The following ALK variants were observed in gnomAD, a reference collection of about 807,000 sequenced individuals.
ALK encodes the protein ALK receptor tyrosine kinase.
In ALK, 74 loss-of-function variants were observed where a neutral mutation model predicts 163.1. That is an observed-to-expected ratio of 0.45 (90% CI 0.38 to 0.55). The LOEUF is 0.55. Among genes scored for constraint, ALK ranks in the 20% least tolerant of loss-of-function variants. ALK has a pLI of 0.00. For synonymous variants in ALK, 960 were observed against 843.2 expected (o/e 1.14, Z -2.40); for missense variants, 2,063 against 2,105.3 (o/e 0.98, Z 0.39).
chr2:29,497,571 TG>T (rs1322192271), intron 4 of ALK, among the ~76,000 whole-genome samples: 1 of 152,226 alleles, frequency 6.6e-6, no homozygotes, highest in African/African-American at 2.4e-5. Flanking sequence ...ACCCATGCTC[TG>T]TTGCTGCTAA....
chr2:29,564,153 C>A (rs1349807661), intron 3 of ALK, among the ~76,000 whole-genome samples: 1 of 152,144 alleles, frequency 6.6e-6, no homozygotes, highest in Non-Finnish European at 1.5e-5. Flanking sequence ...TACTGGCTGT[C>A]GTGCGGTGAG....
chr2:29,655,022 T>C (rs1553342205), intron 3 of ALK, among the ~76,000 whole-genome samples: 1 of 152,012 alleles, frequency 6.6e-6, no homozygotes, highest in Non-Finnish European at 1.5e-5. Context: ...TGAAGACATC[T>C]TCAAAAGCTG....
chr2:29,581,696 C>T lies in ALK; in HGVS notation c.953-49580G>A, dbSNP rs761342834. On this transcript the variant is annotated intron_variant, in intron 3 of 28. Coordinates refer to ENST00000389048, the MANE Select transcript of ALK (RefSeq NM_004304.5). ...ACCCAGAGCTCCAGGAGATGGTGAC[C>T]ATCCTAGATGACCAGGGCAGTGAGG... Among the ~76,000 whole-genome samples, 73 of 152,168 alleles carry T rather than the reference C, an allele frequency of 4.8e-4. 2 individuals carry two copies. Among genetic ancestry groups the T allele is most frequent in the Non-Finnish European group, 7.4e-5 (5 of 68,020 alleles).
chr2:29,678,246 TAAC>T (rs1177721648), intron 3 of ALK, among the ~76,000 whole-genome samples: 1 of 151,960 alleles, frequency 6.6e-6, no homozygotes, highest in Non-Finnish European at 1.5e-5. Flanking sequence ...TCTTTTCAAA[TAAC>T]AAATTTTTGG....
intron 4 of ALK, among the ~76,000 whole-genome samples, chr2:29,515,618 T>G (rs1039002933): frequency 6.6e-6 from 1 of 152,120 alleles, no homozygotes; most frequent in Non-Finnish European, 1.5e-5. Context: ...GAAACACTTT[T>G]GTAGATGTCC....
chr2:29,291,710 A>G (rs963513295), intron 9 of ALK, among the ~76,000 whole-genome samples: 1 of 152,242 alleles, frequency 6.6e-6, no homozygotes, highest in African/African-American at 2.4e-5. Context: ...GATTCAATTA[A>G]CAGAAATGTG....
intron 11 of ALK, among the ~76,000 whole-genome samples, chr2:29,268,923 C>A (rs973669591): frequency 1.3e-5 from 2 of 152,144 alleles, no homozygotes; most frequent in African/African-American, 2.4e-5. Flanking sequence ...CCTCTCTAAG[C>A]CCTGGATACA....
At chr2:29,683,892 C>A (rs1240257636) in intron 3 of ALK, among the ~76,000 whole-genome samples, 1 of 152,136 alleles carries the variant, frequency 6.6e-6, no homozygotes, top group Non-Finnish European at 1.5e-5. Context: ...AGAATGGTCT[C>A]TTGTGCATTA....
rs188682402 is a variant in ALK at position 29,721,578 on chromosome 2, T to C, written c.668-3881A>G. Among the ~76,000 whole-genome samples, 19 of 152,300 alleles carry C rather than the reference T, an allele frequency of 1.2e-4. No homozygotes were observed. The South Asian group carries it at 2.7e-3, about 22-fold the overall frequency. Reference sequence around the variant, plus strand: ...TCAGTGAATGAATTTGTTTCTTAGCTTATTGAGAAAAGAGAAGTGATCTAC... The same window carrying C: ...TCAGTGAATGAATTTGTTTCTTAGCCTATTGAGAAAAGAGAAGTGATCTAC... On this transcript the variant is annotated intron_variant, in intron 1 of 28. Coordinates refer to ENST00000389048, the MANE Select transcript of ALK (RefSeq NM_004304.5).
In ALK at chr2:29,656,737, G is replaced by A. The variant is rs575379138; in HGVS notation, c.952+38113C>T. Among the ~76,000 whole-genome samples the A allele has an allele frequency of 5.0e-4, 76 of 152,216 alleles. No individual in the cohort carries two copies. In the South Asian group the frequency reaches 8.9e-3, roughly 18 times the overall value. ...CCAGGTAGTGCACTCTTTGTGGAGA[G>A]ACTCAGAATCCAATGAGCAAGGAGG... On this transcript the variant is annotated intron_variant, in intron 3 of 28. Coordinates refer to ENST00000389048, the MANE Select transcript of ALK (RefSeq NM_004304.5).
chr2:29,777,134 A>G (rs965476313), intron 1 of ALK, among the ~76,000 whole-genome samples: 2 of 152,242 alleles, frequency 1.3e-5, no homozygotes, highest in African/African-American at 4.8e-5. Flanking sequence ...GGAGGGCATC[A>G]GGGGCTCATA....
chr2:29,654,095 T>C (rs1346542224), intron 3 of ALK, among the ~76,000 whole-genome samples: 1 of 152,268 alleles, frequency 6.6e-6, no homozygotes, highest in Admixed American at 6.5e-5. Context: ...AATTGTGTGG[T>C]TAAAAAGTGA....
intron 19 of ALK, chr2:29,223,745 A>G (rs1663821803): frequency 1.7e-6 from 1 of 595,596 alleles, no homozygotes. Context: ...AATCAGATAT[A>G]TGGAAAATAA....
chr2:29,654,292 A>G (rs191411639), intron 3 of ALK, among the ~76,000 whole-genome samples: 1 of 152,270 alleles, frequency 6.6e-6, no homozygotes, highest in East Asian at 1.9e-4. Flanking sequence ...TCATAAGAGT[A>G]TATGATCTTC....
intron 12 of ALK, among the ~76,000 whole-genome samples, chr2:29,245,722 C>A (rs538598132): frequency 3.0e-5 from 4 of 134,018 alleles, no homozygotes; most frequent in Admixed American, 2.3e-4. Flanking sequence ...CAGCAGGGCT[C>A]CATGGCTCAG....
chr2:29,345,317 G>T (rs1011762359), intron 5 of ALK, among the ~76,000 whole-genome samples: 1 of 151,878 alleles, frequency 6.6e-6, no homozygotes, highest in Non-Finnish European at 1.5e-5. Flanking sequence ...GATCACCTGA[G>T]CCTGGGAGTT....
In ALK at chr2:29,784,713, A is replaced by AAACAACAAC. The variant is rs34379763; in HGVS notation, c.668-67025_668-67017dup. 3.9e-3 allele frequency among the ~76,000 whole-genome samples: 582 copies of AAACAACAAC among 150,846 alleles called. 7 individuals are homozygous for AAACAACAAC. Among genetic ancestry groups the AAACAACAAC allele is most frequent in the African/African-American group, 0.013 (535 of 41,018 alleles). On this transcript the variant is annotated intron_variant, in intron 1 of 28. Coordinates refer to ENST00000389048, the MANE Select transcript of ALK (RefSeq NM_004304.5). ...TCCGTCTCAACAACAACAACAACAA[A>AAACAACAAC]AACAACAACAACAACAACAACAAAG...
chr2:29,596,677 C>T (rs940433528), intron 3 of ALK, among the ~76,000 whole-genome samples: 1 of 152,090 alleles, frequency 6.6e-6, no homozygotes, highest in Admixed American at 6.5e-5. Context: ...AGTGGAGAGT[C>T]CTAACTGAAA....
chr2:29,432,767 C>G (rs1670302827), intron 4 of ALK, among the ~76,000 whole-genome samples: 1 of 149,894 alleles, frequency 6.7e-6, no homozygotes, highest in Non-Finnish European at 1.5e-5. Flanking sequence ...ACCGATGGAT[C>G]CATTGCGCAT....
Sources: allele counts gnomAD v4.1 joint callset (sites outside exome capture counted in the v4.1 genomes callset), GRCh38; gene constraint gnomAD v4.1.1; transcripts MANE v1.5; gene names NCBI Gene and HGNC (gene_info 2026-07-23, HGNC 2026-07-21).